FABP6: variants seen among roughly 807,000 people sequenced by gnomAD.
FABP6 encodes gastrotropin.
FABP6 carries 13 observed loss-of-function variants against 14.9 expected under a neutral mutation model. That is an observed-to-expected ratio of 0.87 (90% confidence interval 0.57 to 1.39). The LOEUF (loss-of-function observed/expected upper bound fraction) is 1.39. FABP6 is among the 40% of genes most tolerant of loss of function. The pLI, the probability that FABP6 is intolerant of heterozygous loss-of-function variation, is 0.00. For missense variants in FABP6, 161 were observed against 167.2 expected (o/e 0.96, Z 0.20); for synonymous variants, 75 against 63.6 (o/e 1.18, Z -0.85).
intron 1 of FABP6, chr5:160,187,493 G>A (rs1001841789): frequency 7.0e-6 from 1 of 143,672 alleles, no homozygotes; most frequent in Non-Finnish European, 1.5e-5. Flanking sequence ...GGCTCCAGAA[G>A]TTATCCTTGA....
chr5:160,220,891 C>T (rs546229856), intron 3 of FABP6, among the ~76,000 whole-genome samples: 12 of 151,730 alleles, frequency 7.9e-5, no homozygotes, highest in Non-Finnish European at 1.2e-4. Context: ...AGTTCAAGAC[C>T]AGCCTGGCCA....
intron 3 of FABP6, among the ~76,000 whole-genome samples, chr5:160,216,484 T>C (rs1239037941): frequency 6.6e-6 from 1 of 151,960 alleles, no homozygotes; most frequent in Non-Finnish European, 1.5e-5. Context: ...GCCAGGTTGG[T>C]CTCGAACTCC....
At chr5:160,200,710 G>A (rs920942717) in intron 2 of FABP6, among the ~76,000 whole-genome samples, 7 of 152,282 alleles carry the variant, frequency 4.6e-5, no homozygotes, top group Middle Eastern at 3.4e-3. Flanking sequence ...CACCGCACCC[G>A]GCAAGTCTTT....
At chr5:160,199,868 C>T (rs887865675) in intron 2 of FABP6, among the ~76,000 whole-genome samples, 1 of 152,212 alleles carries the variant, frequency 6.6e-6, no homozygotes, top group Non-Finnish European at 1.5e-5. Context: ...TGAGGAGAGA[C>T]AGGCCGTCCT....
At chr5:160,222,739 A>G (rs1041250103) in intron 3 of FABP6, among the ~76,000 whole-genome samples, 1 of 152,200 alleles carries the variant, frequency 6.6e-6, no homozygotes, top group Non-Finnish European at 1.5e-5. Flanking sequence ...AAGATGGCCC[A>G]ATTTGTTATG....
upstream of FABP6, among the ~76,000 whole-genome samples, chr5:160,228,036 A>G (rs1760288577): frequency 6.6e-6 from 1 of 152,078 alleles, no homozygotes; most frequent in Non-Finnish European, 1.5e-5. Flanking sequence ...ATGGAAATGA[A>G]GGAGATTCAT....
intron 3 of FABP6, among the ~76,000 whole-genome samples, chr5:160,222,763 A>C (rs1760155829): frequency 6.6e-6 from 1 of 152,232 alleles, no homozygotes; most frequent in African/African-American, 2.4e-5. Flanking sequence ...AGGGGCAGGA[A>C]AGTACCAAAG....
intron 1 of FABP6, among the ~76,000 whole-genome samples, chr5:160,231,067 G>C (rs1039592153): frequency 6.6e-6 from 1 of 152,136 alleles, no homozygotes; most frequent in African/African-American, 2.4e-5. Context: ...AGGTTCAGAG[G>C]ACAGCTCAAG....
intron 2 of FABP6, among the ~76,000 whole-genome samples, chr5:160,209,397 C>T (rs1252309647): frequency 6.6e-6 from 1 of 152,110 alleles, no homozygotes; most frequent in Non-Finnish European, 1.5e-5. Context: ...GTGGCCCACA[C>T]CTGTATTCCT....
chr5:160,212,968 G>C (rs11135093), intron 2 of FABP6, among the ~76,000 whole-genome samples: 93,073 of 151,950 alleles, frequency 0.61, 28,727 homozygotes, highest in African/African-American at 0.64. Flanking sequence ...GGATTGGGAG[G>C]AGGAAAGATT....
intron 2 of FABP6, among the ~76,000 whole-genome samples, chr5:160,209,906 AC>A (rs1561746671): frequency 6.6e-6 from 1 of 152,176 alleles, no homozygotes; most frequent in African/African-American, 2.4e-5. Context: ...ACAGAAAGCA[AC>A]CTAAGACATA....
intron 1 of FABP6, chr5:160,197,726 A>C (rs578154231): frequency 6.6e-6 from 1 of 152,182 alleles, no homozygotes; most frequent in African/African-American, 2.4e-5. Context: ...TCCCAGGAAG[A>C]CAAAGTGGCC....
At chr5:160,203,550 A>G (rs185455772) in intron 2 of FABP6, among the ~76,000 whole-genome samples, 153 of 152,150 alleles carry the variant, frequency 1.0e-3, no homozygotes, top group Non-Finnish European at 1.5e-4. Context: ...TTTCTTTGAG[A>G]AAAGGTCTTG....
intron 2 of FABP6, among the ~76,000 whole-genome samples, chr5:160,203,228 ATGT>A (rs1262538170): frequency 6.6e-6 from 1 of 152,098 alleles, no homozygotes; most frequent in Non-Finnish European, 1.5e-5. Flanking sequence ...AGGCAGAAAA[ATGT>A]TGAAGAAAGC....
intron 3 of FABP6, among the ~76,000 whole-genome samples, chr5:160,218,314 A>T (rs1760058802): frequency 6.6e-6 from 1 of 152,152 alleles, no homozygotes; most frequent in African/African-American, 2.4e-5. Flanking sequence ...ACACAAAAAA[A>T]TAAATAAGGT....
chr5:160,212,430 A>G (rs1298493615), intron 2 of FABP6, among the ~76,000 whole-genome samples: 1 of 152,026 alleles, frequency 6.6e-6, no homozygotes, highest in Non-Finnish European at 1.5e-5. Flanking sequence ...CTGGGATTTC[A>G]GGCATGAGCT....
chr5:160,227,427 T>A (rs1760271995), upstream of FABP6, among the ~76,000 whole-genome samples: 1 of 149,040 alleles, frequency 6.7e-6, no homozygotes, highest in African/African-American at 2.5e-5. Flanking sequence ...CTAGGGAGGC[T>A]GAGGCAGGAG....
chr5:160,220,050 T>C (rs1009881620), intron 3 of FABP6, among the ~76,000 whole-genome samples: 4 of 151,616 alleles, frequency 2.6e-5, no homozygotes, highest in Admixed American at 2.6e-4. Context: ...GAAGGAAAAA[T>C]GAAATGCAGC....
chr5:160,235,052 T>C, intron 3 of FABP6, 143 bp downstream of exon 3: 2 of 557,064 alleles, frequency 3.6e-6, no homozygotes, highest in Non-Finnish European at 6.1e-6. Flanking sequence ...TGGATGCACA[T>C]GATGTCATTT....
Sources: gnomAD v4.1 joint callset for allele counts (sites outside exome capture counted in the v4.1 genomes callset) on GRCh38, gnomAD v4.1.1 for gene constraint, MANE v1.5 for transcripts, NCBI Gene and HGNC (gene_info 2026-07-23, HGNC 2026-07-21) for gene names.